OTOG: variants seen among roughly 807,000 people sequenced by gnomAD.
OTOG encodes the protein otogelin.
A neutral mutation model predicts 313.8 loss-of-function variants in OTOG; 296 were observed. That is an observed-to-expected ratio of 0.94 (90% CI 0.86 to 1.04). The LOEUF (loss-of-function observed/expected upper bound fraction) is 1.04. Among genes scored for constraint, OTOG ranks in the 50% least tolerant of loss-of-function variants. The pLI, the probability that OTOG is intolerant of heterozygous loss-of-function variation, is 0.00. For synonymous variants in OTOG, 1,533 were observed against 1,554.9 expected, an observed-to-expected ratio of 0.99 and a Z score of 0.33; for missense variants, 3,948 against 3,840.1, an observed-to-expected ratio of 1.03 and a Z score of -0.74.
intron 19 of OTOG, 81 bp from the exon 20 acceptor site, chr11:17,574,639 C>T: frequency 7.5e-7 from 1 of 1,337,762 alleles, no homozygotes; most frequent in Non-Finnish European, 1.0e-6. Context: ...TCTCCATTCT[C>T]CTCATCAGAA....
At chr11:17,601,294 G>A (rs1410874258) in intron 31 of OTOG, among the ~76,000 whole-genome samples, 1 of 152,112 alleles carries the variant, frequency 6.6e-6, no homozygotes, top group Admixed American at 6.5e-5. Flanking sequence ...GAGGGTGCAG[G>A]GAGAGCTTCA....
Position 17,605,783 on chromosome 11 carries a change from G to A in OTOG, c.3878-74G>A, listed in dbSNP as rs116925571. On this transcript the variant is annotated intron_variant, in intron 32 of 55. Coordinates refer to ENST00000399397, the MANE Select transcript of OTOG (RefSeq NM_001292063.2). ...ATCCAGAGTCGCTGAGAGAGCAGAT[G>A]TGTGCCAGGATGCTGTTCCCGCAGC... 3.2e-3 allele frequency: 4,636 copies of A among 1,446,480 alleles called. 177 individuals carry two copies. The East Asian group carries it at 0.08, about 25-fold the overall frequency. 89.6% of individuals were successfully genotyped at this position (1,446,480 alleles called of 1,614,324 possible).
At position 17,634,208 on chromosome 11, in the gene OTOG, G is replaced by T. The variant is rs1854203336; in HGVS notation, c.7407G>T (p.Glu2469Asp). 3.2e-6 allele frequency: 5 copies of T among 1,550,356 alleles called. No homozygotes were observed. The highest frequency in any genetic ancestry group is 2.7e-5 in the African/African-American group (2 of 73,026). Residue 2469 changes from glutamate to aspartate, a missense_variant, in exon 44 of 56, where the codon GAG becomes GAT. Coordinates refer to ENST00000399397, the MANE Select transcript of OTOG (RefSeq NM_001292063.2). ...VDLGCPSPRP[E>D]SCLRFGEVAL... Reference sequence around the variant, plus strand: ...TGGGCTGCCCCAGTCCCCGCCCTGAGAGCTGCCTGCGATTCGGGGAGGTGG... The same window carrying T: ...TGGGCTGCCCCAGTCCCCGCCCTGATAGCTGCCTGCGATTCGGGGAGGTGG...
At chr11:17,605,530 T>G (rs1268454864) in intron 32 of OTOG, among the ~76,000 whole-genome samples, 1 of 152,164 alleles carries the variant, frequency 6.6e-6, no homozygotes, top group East Asian at 1.9e-4. Context: ...GCCTGGTACA[T>G]TGAGGGCACT....
chr11:17,641,820 T>C (rs1178061986), intron 51 of OTOG, 27 bp from the exon 52 acceptor site: 1 of 1,514,550 alleles, frequency 6.6e-7, no homozygotes, highest in South Asian at 1.2e-5. Flanking sequence ...GGCATCTGGC[T>C]GAGGCCCACC....
Position 17,646,026 on chromosome 11 carries a change from T to C in OTOG, c.*82T>C. The C allele has an allele frequency of 7.3e-7, 1 of 1,367,600 alleles. No homozygotes were observed. Among genetic ancestry groups the C allele is most frequent in the Non-Finnish European group, 1.0e-6 (1 of 997,056 alleles). 84.7% of individuals were successfully genotyped at this position (1,367,600 alleles called of 1,614,324 possible). A position where few individuals can be genotyped will look rare whatever the true frequency, so the allele number is the denominator to read the frequency against. ...GCTGGCCCAATGTGAATGGGGGTATTAAAGGTGGTAGAAATCTGGCACGTG... is the reference window on the plus strand; with the variant it reads ...GCTGGCCCAATGTGAATGGGGGTATCAAAGGTGGTAGAAATCTGGCACGTG... On this transcript the variant is annotated 3_prime_UTR_variant, in exon 56 of 56. Coordinates refer to ENST00000399397, the MANE Select transcript of OTOG (RefSeq NM_001292063.2).
intron 4 of OTOG, among the ~76,000 whole-genome samples, chr11:17,552,615 T>TGTGTCTCCCC (rs1454853324): frequency 6.6e-6 from 1 of 150,928 alleles, no homozygotes; most frequent in African/African-American, 2.4e-5. Context: ...CCACCTGTCC[T>TGTGTCTCCCC]CTCACATCAT....
In OTOG at chr11:17,548,169, C is replaced by T. The variant is rs572827464; in HGVS notation, c.173C>T (p.Ala58Val). 214 of 1,547,356 alleles carry T rather than the reference C, an allele frequency of 1.4e-4. No homozygotes were observed. In the African/African-American group the frequency reaches 2.1e-3, roughly 15 times the overall value. Residue 58 changes from alanine to valine, a missense_variant, in exon 3 of 56, where the codon GCG (alanine) becomes GTG (valine). Transcript: ENST00000399397. ...AGQPSSSHQE[A>V]TLAMGDKATV... is the part of the protein sequence containing the mutation. ...TCCTCCAGCAGCAGCCACCAGGAGG[C>T]GACCCTTGCCATGGGGGACAAGGCT...
Position 17,635,192 on chromosome 11 carries a change from G to C in OTOG, c.7693+5G>C. 2.0e-6 allele frequency: 3 copies of C among 1,537,990 alleles called. No individual in the cohort carries two copies. The highest frequency in any genetic ancestry group is 2.6e-6 in the Non-Finnish European group (3 of 1,144,318). On this transcript the variant is annotated splice_donor_5th_base_variant and intron_variant, in intron 46 of 55. Coordinates refer to ENST00000399397, the MANE Select transcript of OTOG (RefSeq NM_001292063.2). Reference sequence around the variant, plus strand: ...GCTGCACCTCCTACTTCTGCGGTGGGTCGCCGCCACCAGACGCCAGCGCAC... The same window carrying C: ...GCTGCACCTCCTACTTCTGCGGTGGCTCGCCGCCACCAGACGCCAGCGCAC...
intron 28 of OTOG, 32 bp from the exon 29 acceptor site, chr11:17,596,006 G>A (rs551862127): frequency 6.9e-7 from 1 of 1,455,024 alleles, no homozygotes; most frequent in Admixed American, 2.0e-5. Flanking sequence ...TTGGCAAGTA[G>A]GGAGGTCAAC....
chr11:17,595,920 CA>C (rs1853087242), intron 28 of OTOG, 117 bp from the exon 29 acceptor site: 2 of 717,370 alleles, frequency 2.8e-6, no homozygotes, highest in African/African-American at 3.5e-5. Context: ...GGAGATTTTA[CA>C]AGGACCTGAA....
chr11:17,629,911 A>G (rs548510773), intron 40 of OTOG, among the ~76,000 whole-genome samples: 3 of 152,274 alleles, frequency 2.0e-5, no homozygotes, highest in Non-Finnish European at 2.9e-5. Flanking sequence ...AAGCACATGG[A>G]CACTCATGGG....
intron 39 of OTOG, among the ~76,000 whole-genome samples, chr11:17,627,234 A>G (rs576479816): frequency 1.1e-4 from 16 of 152,146 alleles, no homozygotes; most frequent in African/African-American, 2.9e-4. Flanking sequence ...CCCCCATTCA[A>G]TATGATACTA....
chr11:17,571,115 C>T (rs948424205), intron 17 of OTOG, among the ~76,000 whole-genome samples: 1 of 152,180 alleles, frequency 6.6e-6, no homozygotes, highest in Non-Finnish European at 1.5e-5. Context: ...TTAGCCAAAA[C>T]GGAGAATTCA....
intron 42 of OTOG, among the ~76,000 whole-genome samples, chr11:17,632,660 C>T (rs141119315): frequency 1.3e-5 from 2 of 152,046 alleles, no homozygotes; most frequent in Non-Finnish European, 2.9e-5. Context: ...CCTTTTTGCT[C>T]ACGTTTCTCT....
Position 17,596,955 on chromosome 11 carries a change from C to T in OTOG, c.3630C>T (p.His1210=), listed in dbSNP as rs1429903707. ...CFCASVSAYA[H]QCCQHGVAVD... ...GTGCCAGCGTCTCCGCTTATGCCCA[C>T]CAGTGTTGCCAGCATGGGGTGGCTG... The change falls in exon 30 of 56, where the codon CAC becomes CAT. Residue 1210 remains histidine (H), a synonymous_variant. Transcript: ENST00000399397. 3 of 1,550,662 alleles carry T rather than the reference C, an allele frequency of 1.9e-6. No homozygotes were observed. The highest frequency in any genetic ancestry group is 1.2e-5 in the South Asian group (1 of 84,058).
Position 17,640,672 on chromosome 11 carries a change from C to T in OTOG, c.7936-73C>T, listed in dbSNP as rs894675401. On this transcript the variant is annotated intron_variant, in intron 49 of 55. Transcript: ENST00000399397. ...GGGAGGGACTGACGTAGAGAGGGGC[C>T]CAGGTGGCAGACTGCTCCTGAGGGC... 2.2e-4 allele frequency: 325 copies of T among 1,461,256 alleles called. 2 individuals are homozygous for T. Among genetic ancestry groups the T allele is most frequent in the Non-Finnish European group, 2.8e-4 (307 of 1,081,628 alleles). The allele number at this position is 1,461,256 out of a possible 1,614,324, so 90.5% of individuals were successfully genotyped here.
At position 17,561,777 on chromosome 11, in the gene OTOG, C is replaced by T. The variant is rs538252687; in HGVS notation, c.1614C>T (p.Thr538=). 76 of 1,550,506 alleles carry T rather than the reference C, an allele frequency of 4.9e-5. No individual in the cohort carries two copies. The highest frequency in any genetic ancestry group is 3.9e-4 in the South Asian group (33 of 84,044). ...LAKSRSSGTF[T]VTLQNAPCGL... is the part of the protein sequence containing the mutation. ...AGAGCCGCTCTTCGGGCACCTTCAC[C>T]GTGACATTGCAGAATGCCCCATGTG... The change falls in exon 15 of 56, where the codon ACC becomes ACT. Residue 538 remains threonine (T), a synonymous_variant. Coordinates refer to ENST00000399397, the MANE Select transcript of OTOG (RefSeq NM_001292063.2).
chr11:17,571,217 G>C (rs1676377545), intron 17 of OTOG, among the ~76,000 whole-genome samples: 1 of 152,238 alleles, frequency 6.6e-6, no homozygotes, highest in South Asian at 2.1e-4. Flanking sequence ...GCTTTGCCTA[G>C]TAGGGCAGAT....
Sources: gnomAD v4.1 joint callset for allele counts (sites outside exome capture counted in the v4.1 genomes callset) on GRCh38, gnomAD v4.1.1 for gene constraint, MANE v1.5 for transcripts, NCBI Gene and HGNC (gene_info 2026-07-23, HGNC 2026-07-21) for gene names.